Variants in PTPRN2 observed in about 807,000 individuals in gnomAD.
The protein encoded by PTPRN2 is protein tyrosine phosphatase receptor type N2.
PTPRN2 carries 74 observed loss-of-function variants against 118.8 expected under a neutral mutation model. The observed-to-expected ratio is 0.62, with a 90% CI of 0.52 to 0.76. PTPRN2 has a LOEUF of 0.76. Ranked by LOEUF, PTPRN2 falls within the 30% of genes least tolerant of loss-of-function variation. The probability of loss-of-function intolerance (pLI) is 0.00; values close to 1 mark genes in which losing one functional copy is unlikely to be tolerated. For missense variants in PTPRN2, 1,481 were observed against 1,394.4 expected (o/e 1.06, Z -0.99); for synonymous variants, 641 against 608.0 (o/e 1.05, Z -0.80).
intron 2 of PTPRN2, among the ~76,000 whole-genome samples, chr7:158,458,766 C>T (rs1029669324): frequency 2.0e-5 from 3 of 152,196 alleles, no homozygotes; most frequent in African/African-American, 4.8e-5. Flanking sequence ...GCGGGCTCCA[C>T]GCTGCCTAAG....
intron 10 of PTPRN2, among the ~76,000 whole-genome samples, chr7:158,106,847 C>T (rs1272441466): frequency 6.6e-6 from 1 of 152,188 alleles, no homozygotes; most frequent in African/African-American, 2.4e-5. Context: ...GGAAAAGTCA[C>T]TTCCCCAGGA....
rs542110521 is a variant in PTPRN2 at position 157,671,996 on chromosome 7, G to T, written c.2001+10729C>A. 1.3e-5 allele frequency among the ~76,000 whole-genome samples: 2 copies of T among 152,260 alleles called. No individual in the cohort carries two copies. Among genetic ancestry groups the T allele is most frequent in the African/African-American group, 2.4e-5 (1 of 41,556 alleles). On this transcript the variant is annotated intron_variant, in intron 13 of 22. Transcript: ENST00000389418. This position sits in a 1 kb window ranked among gnomAD's most constrained non-coding sequence, Gnocchi z 4.1. The stretch of plus-strand genomic sequence containing the variant: ...CTGGAGGAAAACCCGTGAGCGAGTC[G>T]TGGAGGGAGTGTGAGGGTTTTTGGG...
rs982993624 is a variant in PTPRN2, at chr7:157,585,935, A to G, written c.2497-7795T>C. 6.6e-6 allele frequency among the ~76,000 whole-genome samples: 1 copy of G among 152,200 alleles called. No homozygotes were observed. Among genetic ancestry groups the G allele is most frequent in the African/African-American group, 2.4e-5 (1 of 41,456 alleles). On this transcript the variant is annotated intron_variant, in intron 17 of 22. Coordinates refer to ENST00000389418, the MANE Select transcript of PTPRN2 (RefSeq NM_002847.5). This position sits in a 1 kb window ranked among gnomAD's most constrained non-coding sequence, Gnocchi z 5.2. ...GTGTGCGGCGAGAGACTGACCGACC[A>G]TCTTTGCACTGTCCCAGGCAGAACC...
At position 158,032,301 on chromosome 7, in the gene PTPRN2, C is replaced by G. The variant is rs200666056; in HGVS notation, c.1723+48997G>C. Among the ~76,000 whole-genome samples the G allele has an allele frequency of 9.2e-5, 14 of 152,330 alleles. No individual in the cohort carries two copies. In the East Asian group the frequency reaches 2.5e-3, roughly 27 times the overall value. On this transcript the variant is annotated intron_variant, in intron 11 of 22. Transcript: ENST00000389418. Reference sequence around the variant, plus strand: ...TGATGCTCTGATGAAGGCCCCTCCTCTGACCTCTAGGCCACATTAGAGACA... The same window carrying G: ...TGATGCTCTGATGAAGGCCCCTCCTGTGACCTCTAGGCCACATTAGAGACA...
intron 2 of PTPRN2, among the ~76,000 whole-genome samples, chr7:158,442,741 C>G (rs973082273): frequency 1.3e-5 from 2 of 152,214 alleles, no homozygotes; most frequent in African/African-American, 4.8e-5. Flanking sequence ...CGCCTGCTTC[C>G]TTTTCTCCTG....
intron 19 of PTPRN2, chr7:157,574,315 A>C (rs749873263): frequency 4.0e-6 from 2 of 503,210 alleles, no homozygotes; most frequent in East Asian, 5.6e-5. Flanking sequence ...GGGGCTTTCC[A>C]CATCGCCCCT....
chr7:158,430,490 G>A (rs904617570), intron 2 of PTPRN2, among the ~76,000 whole-genome samples: 8 of 152,232 alleles, frequency 5.3e-5, no homozygotes, highest in African/African-American at 1.9e-4. Flanking sequence ...TGTGGTTTGC[G>A]GGGCCTCGCA....
intron 11 of PTPRN2, among the ~76,000 whole-genome samples, chr7:158,078,435 T>C (rs1202033530): frequency 1.3e-5 from 2 of 152,358 alleles, no homozygotes; most frequent in East Asian, 3.9e-4. Flanking sequence ...CGTCCTTCCA[T>C]AGGTGTCCGC....
intron 11 of PTPRN2, among the ~76,000 whole-genome samples, chr7:158,004,427 CCAG>C (rs1185651674): frequency 6.6e-6 from 1 of 152,164 alleles, no homozygotes; most frequent in East Asian, 1.9e-4. Flanking sequence ...AAAAAATTAA[CCAG>C]CATCTATTTT....
chr7:158,356,904 C>T (rs949126215), intron 2 of PTPRN2, among the ~76,000 whole-genome samples: 1 of 152,124 alleles, frequency 6.6e-6, no homozygotes, highest in Non-Finnish European at 1.5e-5. Flanking sequence ...AAACCCATCA[C>T]GATCATCATC....
At chr7:158,225,897 G>C (rs4909139) in intron 3 of PTPRN2, among the ~76,000 whole-genome samples, 3 of 132,158 alleles carry the variant, frequency 2.3e-5, no homozygotes, top group African/African-American at 6.5e-5. Flanking sequence ...GGGAGGTGGG[G>C]GCAGTGCAGG....
At chr7:157,821,603 T>A (rs1030480489) in intron 12 of PTPRN2, among the ~76,000 whole-genome samples, 1 of 152,178 alleles carries the variant, frequency 6.6e-6, no homozygotes, top group East Asian at 1.9e-4. Flanking sequence ...TTGATGAGGA[T>A]TGAAGAGTGG....
intron 2 of PTPRN2, among the ~76,000 whole-genome samples, chr7:158,351,975 C>T (rs865811026): frequency 6.3e-5 from 5 of 79,950 alleles, no homozygotes; most frequent in African/African-American, 1.0e-4. Context: ...CCCTCCTGAC[C>T]GCTCCCCTCC....
At chr7:158,125,417 G>C (rs1817572626) in intron 9 of PTPRN2, among the ~76,000 whole-genome samples, 1 of 151,662 alleles carries the variant, frequency 6.6e-6, no homozygotes, top group African/African-American at 2.4e-5. Context: ...GCTCCCAGCA[G>C]GATGGGCTGG....
At chr7:158,018,168 C>T (rs886858515) in intron 11 of PTPRN2, among the ~76,000 whole-genome samples, 1 of 152,180 alleles carries the variant, frequency 6.6e-6, no homozygotes, top group Non-Finnish European at 1.5e-5. Flanking sequence ...GATTCCTCTT[C>T]AAGGAACGTG....
intron 1 of PTPRN2, among the ~76,000 whole-genome samples, chr7:158,523,340 CGAGTCTGCCCTGAAGTG>C (rs1824362404): frequency 2.3e-5 from 3 of 130,898 alleles, no homozygotes; most frequent in Admixed American, 9.0e-5. Context: ...CTGCCGACAG[CGAGTCTGCCCTGAAGTG>C]GAGTCTGCCC....
rs79461767 is a variant in PTPRN2, at chr7:157,831,811, C to T, written c.1788+66862G>A. 0.018 allele frequency among the ~76,000 whole-genome samples: 2,673 copies of T among 152,318 alleles called. 81 individuals carry two copies. The highest frequency in any genetic ancestry group is 0.058 in the African/African-American group (2,396 of 41,554). On this transcript the variant is annotated intron_variant, in intron 12 of 22. Coordinates refer to ENST00000389418, the MANE Select transcript of PTPRN2 (RefSeq NM_002847.5). The surrounding 1 kb of genome is among the most constrained non-coding windows in gnomAD (Gnocchi z 4.8). ...CAAGCCTGGCCACGTTAGACCCTCA[C>T]GAGACGTCCCACGAATGGAACCCTA...
At position 157,755,578 on chromosome 7, in the gene PTPRN2, C is replaced by T. The variant is rs574750956; in HGVS notation, c.1789-72641G>A. Among the ~76,000 whole-genome samples the T allele has an allele frequency of 2.8e-4, 43 of 152,246 alleles. No homozygotes were observed. In the South Asian group the frequency reaches 8.9e-3, roughly 32 times the overall value. On this transcript the variant is annotated intron_variant, in intron 12 of 22. Transcript: ENST00000389418. ...AATGAAATCATGTCTTTTGCAGCAA[C>T]ATGGGTGCAGCTGGAGGCCATGATC...
At chr7:158,339,758 A>G (rs1201965274) in intron 2 of PTPRN2, among the ~76,000 whole-genome samples, 2 of 88,268 alleles carry the variant, frequency 2.3e-5, no homozygotes, top group Non-Finnish European at 4.6e-5. Flanking sequence ...AAGAGCTGAC[A>G]CCTGCAGACG....
Sources: allele counts gnomAD v4.1 joint callset (sites outside exome capture counted in the v4.1 genomes callset), GRCh38; gene constraint gnomAD v4.1.1; non-coding constraint Gnocchi (gnomAD v3.1); transcripts MANE v1.5; gene names NCBI Gene and HGNC (gene_info 2026-07-23, HGNC 2026-07-21).